Variants in MYH1 observed in about 807,000 individuals in gnomAD.
MYH1 encodes myosin-1.
MYH1 carries 214 observed loss-of-function variants against 225.6 expected under a neutral mutation model. That is an observed-to-expected ratio of 0.95 (90% CI 0.85 to 1.06). The LOEUF is 1.06. Ranked by LOEUF, MYH1 falls within the 50% of genes least tolerant of loss-of-function variation. The pLI is 0.00. For synonymous variants in MYH1, 774 were observed against 842.3 expected (o/e 0.92, Z 1.40); for missense variants, 2,098 against 2,344.2 (o/e 0.89, Z 2.17).
At chr17:10,507,809 G>T in intron 17 of MYH1, 77 bp downstream of exon 17, 1 of 1,196,998 alleles carries the variant, frequency 8.4e-7, no homozygotes, top group Non-Finnish European at 1.2e-6. Flanking sequence ...ATCCTTGCAA[G>T]GTTAGTTTTT....
rs2072995862 is a variant in MYH1 at position 10,496,472 on chromosome 17, C to T, written c.4734G>A (p.Arg1578=). The T allele has an allele frequency of 6.2e-7, 1 of 1,614,020 alleles. No homozygotes were observed. Among genetic ancestry groups the T allele is most frequent in the Non-Finnish European group, 8.5e-7 (1 of 1,179,992 alleles). Residue 1578 remains arginine, a synonymous_variant, in exon 34 of 40, where the codon AGG becomes AGA. Transcript: ENST00000226207. ...TTTCCTCATCTTTTTCAGCAATTTT[C>T]CTATCAACCTCAGACTTGACTTGGT... The part of the protein sequence containing the change: ...ELNQVKSEVD[R]KIAEKDEEID...
intron 28 of MYH1, among the ~76,000 whole-genome samples, chr17:10,500,401 A>G (rs1227771191): frequency 6.7e-6 from 1 of 150,324 alleles, no homozygotes; most frequent in African/African-American, 2.4e-5. Context: ...TATATATACA[A>G]ATATATATAT....
chr17:10,508,031 T>G, intron 16 of MYH1, 75 bp from the exon 17 acceptor site: 2 of 1,324,438 alleles, frequency 1.5e-6, no homozygotes, highest in Non-Finnish European at 2.1e-6. Flanking sequence ...TTTTTTTGTT[T>G]TTTTTGACGA....
rs777631853 is a variant in MYH1, at chr17:10,516,627, CAG to C, written c.14_15del (p.Ser5Ter). 7 of 1,614,092 alleles carry C rather than the reference CAG, an allele frequency of 4.3e-6. No homozygotes were observed. Among genetic ancestry groups the C allele is most frequent in the African/African-American group, 1.3e-5 (1 of 74,930 alleles). On this transcript the variant is annotated frameshift_variant, in exon 3 of 40. Transcript: ENST00000226207. LOFTEE classifies it high-confidence loss of function. MSSD[S>X]EMAIFGEAAP... ...GCAGCCTCCCCAAAAATGGCCATCT[CAG>C]AGTCGGAACTCATGGCTGCAGGTTA...
chr17:10,496,217 G>A (rs2072992227), intron 34 of MYH1, 24 bp downstream of exon 34: 1 of 1,613,974 alleles, frequency 6.2e-7, no homozygotes, highest in African/African-American at 1.3e-5. Flanking sequence ...AATTGTCCTG[G>A]GATCATCTGT....
intron 39 of MYH1, among the ~76,000 whole-genome samples, chr17:10,493,920 T>C (rs1221112921): frequency 6.6e-6 from 1 of 152,216 alleles, no homozygotes; most frequent in Non-Finnish European, 1.5e-5. Flanking sequence ...CCCACTTGTG[T>C]TACCCAGTAA....
chr17:10,496,657 A>G, intron 33 of MYH1, 108 bp from the exon 34 acceptor site: 1 of 1,509,658 alleles, frequency 6.6e-7, no homozygotes, highest in Non-Finnish European at 9.0e-7. Flanking sequence ...TAGATTTCTA[A>G]GTAGTAGTAA....
At chr17:10,517,138 C>T (rs897469956) in intron 2 of MYH1, among the ~76,000 whole-genome samples, 1 of 152,064 alleles carries the variant, frequency 6.6e-6, no homozygotes, top group African/African-American at 2.4e-5. Flanking sequence ...AAATGCTGGA[C>T]ACAGAGAAAG....
At position 10,506,578 on chromosome 17, in the gene MYH1, T is replaced by C. The variant is rs754795218; in HGVS notation, c.1969-479A>G. Reference sequence around the variant, plus strand: ...CGCAATCTTGGCTCACGGTAACCTCTGCCTCCCGGGTTCAAACAATTCTCC... The same window carrying C: ...CGCAATCTTGGCTCACGGTAACCTCCGCCTCCCGGGTTCAAACAATTCTCC... On this transcript the variant is annotated intron_variant, in intron 17 of 39. Transcript: ENST00000226207. Among the ~76,000 whole-genome samples, 39 of 151,970 alleles carry C rather than the reference T, an allele frequency of 2.6e-4. 1 individual carries two copies. Among genetic ancestry groups the C allele is most frequent in the Admixed American group, 8.5e-4 (13 of 15,270 alleles).
chr17:10,506,230 G>T, intron 17 of MYH1, 131 bp from the exon 18 acceptor site: 1 of 1,182,728 alleles, frequency 8.5e-7, no homozygotes, highest in Non-Finnish European at 1.2e-6. Context: ...AATTTTCAAA[G>T]AGTTATCTCT....
rs745603827 is a variant in MYH1, at chr17:10,502,799, T to G, written c.3050A>C (p.Glu1017Ala). ...HQQTLDDLQA[E>A]EDKVNTLTKA... ...GGTCAGGGTGTTGACTTTGTCCTCC[T>G]CTGCCTGCAGGTCATCCAGGGTCTG... Residue 1017 changes from glutamate to alanine, a missense_variant, in exon 24 of 40, where the codon GAG (glutamate) becomes GCG (alanine). Glu to Ala is a moderately radical substitution (Grantham distance 107, BLOSUM62 -1). Coordinates refer to ENST00000226207, the MANE Select transcript of MYH1 (RefSeq NM_005963.4). 6.2e-6 allele frequency: 10 copies of G among 1,614,044 alleles called. No homozygotes were observed. Among genetic ancestry groups the G allele is most frequent in the Admixed American group, 3.3e-5 (2 of 60,014 alleles).
chr17:10,498,975 T>G lies in MYH1; in HGVS notation c.3983A>C (p.Lys1328Thr). 6.2e-7 allele frequency: 1 copy of G among 1,609,556 alleles called. No homozygotes were observed. The highest frequency in any genetic ancestry group is 8.5e-7 in the Non-Finnish European group (1 of 1,176,022). ...ELKRQLEEEI[K>T]AKSALAHALQ... is the part of the protein sequence containing the mutation. ...ACAAGAATGACAAGTGGAGCTTACCTTTATCTCCTCTTCAAGTTGCCTTTT... is the reference window on the plus strand; with the variant it reads ...ACAAGAATGACAAGTGGAGCTTACCGTTATCTCCTCTTCAAGTTGCCTTTT... The change falls in exon 29 of 40, where the codon AAG (lysine) becomes ACG (threonine). Residue 1328 changes from lysine to threonine, a missense_variant and splice_region_variant. Coordinates refer to ENST00000226207, the MANE Select transcript of MYH1 (RefSeq NM_005963.4).
Position 10,496,224 on chromosome 17 carries a change from C to T in MYH1, c.4965+17G>A, listed in dbSNP as rs771644673. On this transcript the variant is annotated intron_variant, in intron 34 of 39. Transcript: ENST00000226207. ...GGCACCCCAATTGTCCTGGGATCAT[C>T]TGTTGGACATATTTACCTTGAGGAT... is the stretch of plus-strand genomic sequence containing the variant. The T allele has an allele frequency of 1.9e-6, 3 of 1,614,172 alleles. No individual in the cohort carries two copies. The East Asian group carries it at 6.7e-5, about 36-fold the overall frequency.
intron 30 of MYH1, among the ~76,000 whole-genome samples, chr17:10,498,136 T>A (rs1164787936): frequency 6.6e-6 from 1 of 152,266 alleles, no homozygotes; most frequent in Non-Finnish European, 1.5e-5. Flanking sequence ...AGAGTGGCTT[T>A]AAGGCCATCC....
At position 10,494,451 on chromosome 17, in the gene MYH1, T is replaced by C; in HGVS notation, c.5572-2A>G. 1 of 1,612,646 alleles carries C rather than the reference T, an allele frequency of 6.2e-7. No individual in the cohort carries two copies. Among genetic ancestry groups the C allele is most frequent in the Non-Finnish European group, 8.5e-7 (1 of 1,179,694 alleles). On this transcript the variant is annotated splice_acceptor_variant, in intron 38 of 39. Coordinates refer to ENST00000226207, the MANE Select transcript of MYH1 (RefSeq NM_005963.4). LOFTEE classifies it high-confidence loss of function. The stretch of plus-strand genomic sequence containing the variant: ...AATATTCTTGCGGTCTTCCTCAGTC[T>C]GAAATAATGTTTTCAAGAGTAAGTT...
intron 30 of MYH1, 59 bp downstream of exon 30, chr17:10,498,567 T>TC (rs1372732565): frequency 6.2e-7 from 1 of 1,607,478 alleles, no homozygotes; most frequent in Non-Finnish European, 8.5e-7. Flanking sequence ...CCCTAGTTTT[T>TC]CATATGTTTT....
Position 10,494,446 on chromosome 17 carries a change from C to T in MYH1, c.5575G>A (p.Glu1859Lys), listed in dbSNP as rs1256875594. ...RKVKELTYQT[E>K]EDRKNILRLQ... ...CTGAGAATATTCTTGCGGTCTTCCTCAGTCTGAAATAATGTTTTCAAGAGT... is the reference window on the plus strand; with the variant it reads ...CTGAGAATATTCTTGCGGTCTTCCTTAGTCTGAAATAATGTTTTCAAGAGT... The change falls in exon 39 of 40, where the codon GAG (glutamate) becomes AAG (lysine). Residue 1859 changes from glutamate (E) to lysine (K), a missense_variant. Transcript: ENST00000226207. The T allele has an allele frequency of 7.4e-6, 12 of 1,613,426 alleles. No individual in the cohort carries two copies. Among genetic ancestry groups the T allele is most frequent in the African/African-American group, 1.3e-5 (1 of 74,864 alleles).
chr17:10,503,936 A>G (rs1307564207), intron 22 of MYH1, among the ~76,000 whole-genome samples: 1 of 152,248 alleles, frequency 6.6e-6, no homozygotes, highest in African/African-American at 2.4e-5. Flanking sequence ...CCACTCCTCA[A>G]TGTGGAAAAC....
chr17:10,516,591 G>A lies in MYH1; in HGVS notation c.52C>T (p.Arg18Ter), dbSNP rs149414197. 32 of 1,614,006 alleles carry A rather than the reference G, an allele frequency of 2.0e-5. No individual in the cohort carries two copies. Among genetic ancestry groups the A allele is most frequent in the South Asian group, 5.5e-5 (5 of 91,080 alleles). ...AIFGEAAPFL[R>*]KSERERIEAQ... Reference sequence around the variant, plus strand: ...TCAATTCGCTCCCTTTCAGACTTTCGGAGGAAAGGAGCAGCCTCCCCAAAA... The same window carrying A: ...TCAATTCGCTCCCTTTCAGACTTTCAGAGGAAAGGAGCAGCCTCCCCAAAA... Residue 18 changes from arginine (R) to a stop codon, truncating the protein, a stop_gained, in exon 3 of 40, where the codon CGA becomes TGA. Coordinates refer to ENST00000226207, the MANE Select transcript of MYH1 (RefSeq NM_005963.4). LOFTEE classifies it high-confidence loss of function.
Sources: allele counts gnomAD v4.1 joint callset (sites outside exome capture counted in the v4.1 genomes callset), GRCh38; gene constraint gnomAD v4.1.1; transcripts MANE v1.5; gene names NCBI Gene and HGNC (gene_info 2026-07-23, HGNC 2026-07-21).